Variants in SLC4A4 observed in about 807,000 individuals in gnomAD.
The protein encoded by SLC4A4 is solute carrier family 4 member 4.
A neutral mutation model predicts 111.5 loss-of-function variants in SLC4A4; 27 were observed. That is an observed-to-expected ratio of 0.24 (90% confidence interval 0.18 to 0.33). The LOEUF (loss-of-function observed/expected upper bound fraction) is 0.33. Ranked by LOEUF, SLC4A4 falls within the 10% of genes least tolerant of loss-of-function variation. SLC4A4 has a pLI of 1.00. For missense variants in SLC4A4, 909 were observed against 1,315.5 expected (o/e 0.69, Z 4.78); for synonymous variants, 443 against 463.4 (o/e 0.96, Z 0.57).
At chr4:71,349,376 C>T (rs943224115) in intron 4 of SLC4A4, among the ~76,000 whole-genome samples, 6 of 152,084 alleles carry the variant, frequency 3.9e-5, no homozygotes, top group African/African-American at 7.2e-5. Flanking sequence ...CAAAACGTGC[C>T]GGTCTTCCTT....
intron 2 of SLC4A4, among the ~76,000 whole-genome samples, chr4:71,153,464 G>A (rs1736494282): frequency 6.6e-6 from 1 of 152,074 alleles, no homozygotes; most frequent in Admixed American, 6.6e-5. Flanking sequence ...AGACAGACCT[G>A]GTTTTGAAAC....
chr4:71,121,294 G>T (rs553544155), intron 2 of SLC4A4, among the ~76,000 whole-genome samples: 11 of 151,806 alleles, frequency 7.2e-5, no homozygotes, highest in Non-Finnish European at 1.6e-4. Flanking sequence ...CGTGGCGCCC[G>T]GTCTCATCGA....
At chr4:71,209,652 T>A (rs1012282598) in intron 1 of SLC4A4, among the ~76,000 whole-genome samples, 1 of 152,204 alleles carries the variant, frequency 6.6e-6, no homozygotes, top group African/African-American at 2.4e-5. Flanking sequence ...GGACTCAAAT[T>A]GCTCAATCTC....
At chr4:71,108,502 T>G (rs11734575) in intron 2 of SLC4A4, among the ~76,000 whole-genome samples, 19,916 of 152,210 alleles carry the variant, frequency 0.13, 1,451 homozygotes, top group East Asian at 0.27. Flanking sequence ...ATGAGAAATA[T>G]GCTGATAATT....
intron 2 of SLC4A4, among the ~76,000 whole-genome samples, chr4:71,124,528 AT>A (rs1326912968): frequency 6.6e-6 from 1 of 152,152 alleles, no homozygotes; most frequent in Non-Finnish European, 1.5e-5. Flanking sequence ...ATTCGTCTTT[AT>A]CAGGTTTGTT....
chr4:71,373,949 C>T (rs1017896836), intron 6 of SLC4A4, among the ~76,000 whole-genome samples: 3 of 152,132 alleles, frequency 2.0e-5, no homozygotes, highest in Non-Finnish European at 4.4e-5. Flanking sequence ...GGCACAGGTG[C>T]TGGGTTTACA....
chr4:71,476,714 T>A (rs561869998), intron 14 of SLC4A4, among the ~76,000 whole-genome samples: 1 of 151,836 alleles, frequency 6.6e-6, no homozygotes, highest in South Asian at 2.1e-4. Context: ...TTTTTCTCCA[T>A]TCATTTTGCT....
Position 71,250,717 on chromosome 4 carries a change from A to G in SLC4A4, c.74-4503A>G, listed in dbSNP as rs111504341. Among the ~76,000 whole-genome samples the G allele has an allele frequency of 2.1e-3, 318 of 152,312 alleles. 4 individuals are homozygous for G. Among genetic ancestry groups the G allele is most frequent in the African/African-American group, 7.0e-3 (293 of 41,566 alleles). On this transcript the variant is annotated intron_variant, in intron 2 of 25. Coordinates refer to ENST00000264485, the MANE Select transcript of SLC4A4 (RefSeq NM_001098484.3). ...TTGTCTATTCTCTTGTTAGCAGCCA[A>G]TGAGGAAGGTGACATAATAAGTTAT... is the stretch of plus-strand genomic sequence containing the variant.
chr4:71,078,782 G>A (rs1741914776), intron 1 of SLC4A4, among the ~76,000 whole-genome samples: 1 of 151,968 alleles, frequency 6.6e-6, no homozygotes, highest in African/African-American at 2.4e-5. Context: ...ATAAAGCATT[G>A]CTGCTTTGGG....
At chr4:71,210,161 G>A (rs975471366) in intron 1 of SLC4A4, among the ~76,000 whole-genome samples, 5 of 152,200 alleles carry the variant, frequency 3.3e-5, no homozygotes, top group Non-Finnish European at 7.3e-5. Context: ...GTCGCCCTGA[G>A]CTCACCTGCA....
intron 14 of SLC4A4, among the ~76,000 whole-genome samples, chr4:71,480,805 G>A (rs1046166197): frequency 1.3e-5 from 2 of 151,658 alleles, no homozygotes; most frequent in Non-Finnish European, 3.0e-5. Context: ...CCATGTTGAG[G>A]GCACAGGTTC....
intron 1 of SLC4A4, among the ~76,000 whole-genome samples, chr4:71,220,842 T>A (rs1718704616): frequency 6.6e-6 from 1 of 152,182 alleles, no homozygotes; most frequent in African/African-American, 2.4e-5. Flanking sequence ...ACCCAATAGT[T>A]GTCTTTTCTG....
chr4:71,116,236 T>G (rs1743244809), intron 2 of SLC4A4, among the ~76,000 whole-genome samples: 1 of 152,204 alleles, frequency 6.6e-6, no homozygotes, highest in Non-Finnish European at 1.5e-5. Flanking sequence ...AATCCCAGTA[T>G]TTGGTATCTT....
intron 16 of SLC4A4, among the ~76,000 whole-genome samples, chr4:71,524,404 C>G (rs1225599037): frequency 6.6e-6 from 1 of 152,128 alleles, no homozygotes; most frequent in Non-Finnish European, 1.5e-5. Context: ...AGCATCTTTG[C>G]TGAACCACTT....
chr4:71,418,630 C>A (rs572098948), intron 7 of SLC4A4, among the ~76,000 whole-genome samples: 3 of 152,210 alleles, frequency 2.0e-5, no homozygotes, highest in Admixed American at 6.5e-5. Flanking sequence ...TTTAAGATAG[C>A]CTGAAGGGCA....
chr4:71,157,997 CTATGGTGTTTA>C (rs1463974931), intron 2 of SLC4A4, among the ~76,000 whole-genome samples: 3 of 151,894 alleles, frequency 2.0e-5, no homozygotes, highest in Admixed American at 2.0e-4. Flanking sequence ...TCCCTGTTTG[CTATGGTGTTTA>C]TAAGAGGAAG....
At chr4:71,115,535 C>G (rs1357888268) in intron 2 of SLC4A4, among the ~76,000 whole-genome samples, 1 of 152,062 alleles carries the variant, frequency 6.6e-6, no homozygotes, top group Non-Finnish European at 1.5e-5. Context: ...TAGAATTTGA[C>G]CTAATGTGTG....
intron 1 of SLC4A4, among the ~76,000 whole-genome samples, chr4:71,227,571 T>C (rs570537275): frequency 2.6e-5 from 4 of 152,328 alleles, no homozygotes; most frequent in African/African-American, 9.6e-5. Context: ...AGATATTCCC[T>C]TTCCCGTGAT....
intron 6 of SLC4A4, among the ~76,000 whole-genome samples, chr4:71,386,378 AT>A (rs1176885147): frequency 5.3e-5 from 8 of 151,956 alleles, no homozygotes; most frequent in Admixed American, 3.9e-4. Flanking sequence ...CTCTTTGATA[AT>A]GTTCTGGGAT....
Sources: gnomAD v4.1 joint callset for allele counts (sites outside exome capture counted in the v4.1 genomes callset) on GRCh38, gnomAD v4.1.1 for gene constraint, MANE v1.5 for transcripts, NCBI Gene and HGNC (gene_info 2026-07-23, HGNC 2026-07-21) for gene names.